The following ANKRD30B variants were observed in gnomAD, a reference collection of about 807,000 sequenced individuals.
The protein encoded by ANKRD30B is ankyrin repeat domain-containing protein 30B.
A neutral mutation model predicts 202.2 loss-of-function variants in ANKRD30B; 144 were observed. The observed-to-expected ratio is 0.71, with a 90% confidence interval of 0.62 to 0.82. The LOEUF (loss-of-function observed/expected upper bound fraction) is 0.82. Among genes scored for constraint, ANKRD30B ranks in the 40% least tolerant of loss-of-function variants. The pLI is 0.00. For synonymous variants in ANKRD30B, 508 were observed against 561.3 expected, an observed-to-expected ratio of 0.91 and a Z score of 1.34; for missense variants, 1,487 against 1,669.1, an observed-to-expected ratio of 0.89 and a Z score of 1.90.
chr18:14,797,629 A>G (rs1449360395), intron 18 of ANKRD30B, 32 bp from the exon 19 acceptor site: 4 of 1,592,122 alleles, frequency 2.5e-6, no homozygotes, highest in Admixed American at 1.7e-5. Flanking sequence ...AGGCTTGCAT[A>G]TAATCAATTA....
the ANKRD30B span, among the ~76,000 whole-genome samples, chr18:14,936,937 G>T: frequency 6.6e-6 from 1 of 152,248 alleles, no homozygotes; most frequent in East Asian, 1.9e-4. Context: ...TCTCCTCTTT[G>T]CACACTTTCT....
intron 14 of ANKRD30B, among the ~76,000 whole-genome samples, chr18:14,785,882 C>CA (rs1968047683): frequency 6.6e-6 from 1 of 151,728 alleles, no homozygotes. Context: ...ACTAAAAATA[C>CA]AAAAAATTAG....
rs867264102 is a variant in ANKRD30B, at chr18:14,760,185, T to G, written c.756-369T>G. ...TTGTAATAACCTAGTGAAATAAGTC[T>G]CTAAAATCCTCATTTTTAGAAGACA... On this transcript the variant is annotated intron_variant, in intron 5 of 43. Coordinates refer to ENST00000690538, the MANE Select transcript of ANKRD30B (RefSeq NM_001367607.2). Among the ~76,000 whole-genome samples the G allele has an allele frequency of 7.2e-5, 11 of 152,350 alleles. No homozygotes were observed. The South Asian group carries it at 1.0e-3, about 14-fold the overall frequency.
intron 26 of ANKRD30B, 136 bp from the exon 27 acceptor site, chr18:14,809,850 A>C (rs1489728841): frequency 6.8e-6 from 6 of 879,354 alleles, no homozygotes; most frequent in Non-Finnish European, 9.1e-6. Context: ...ACAATAACCC[A>C]AAAGACCCCA....
At chr18:14,924,337 T>TAAC in the ANKRD30B span, among the ~76,000 whole-genome samples, 1 of 152,226 alleles carries the variant, frequency 6.6e-6, no homozygotes, top group African/African-American at 2.4e-5. Flanking sequence ...CAATGATAAC[T>TAAC]AATACTATCT....
At chr18:14,871,776 G>A in the ANKRD30B span, among the ~76,000 whole-genome samples, 8 of 152,172 alleles carry the variant, frequency 5.3e-5, no homozygotes, top group East Asian at 1.6e-3. Flanking sequence ...TATATTCCCA[G>A]CTACTCGGGA....
At chr18:14,760,645 T>C (rs538141176) in intron 6 of ANKRD30B, 27 bp downstream of exon 6, 43 of 1,458,708 alleles carry the variant, frequency 2.9e-5, no homozygotes, top group Non-Finnish European at 1.9e-6. Flanking sequence ...CAAACTACTC[T>C]TGATGGTGCT....
At chr18:14,874,421 AC>A in the ANKRD30B span, among the ~76,000 whole-genome samples, 3 of 151,970 alleles carry the variant, frequency 2.0e-5, no homozygotes, top group East Asian at 3.9e-4. Context: ...TTATTTGAAA[AC>A]CCTTTCAAAG....
chr18:14,937,172 G>T, the ANKRD30B span, among the ~76,000 whole-genome samples: 72 of 152,308 alleles, frequency 4.7e-4, no homozygotes, highest in East Asian at 0.012. Flanking sequence ...ATACATCATT[G>T]TGCTTGCCTC....
At chr18:14,789,582 G>A (rs1001585110) in intron 15 of ANKRD30B, among the ~76,000 whole-genome samples, 2 of 152,176 alleles carry the variant, frequency 1.3e-5, no homozygotes, top group Non-Finnish European at 2.9e-5. Flanking sequence ...GTGTAAGGAA[G>A]GGATCCAGTT....
chr18:14,901,247 G>T, the ANKRD30B span, among the ~76,000 whole-genome samples: 1 of 152,156 alleles, frequency 6.6e-6, no homozygotes, highest in Non-Finnish European at 1.5e-5. Context: ...TCAAAAAGTG[G>T]TTTATAGTTG....
the ANKRD30B span, among the ~76,000 whole-genome samples, chr18:14,885,553 C>T: frequency 6.6e-6 from 1 of 151,954 alleles, no homozygotes; most frequent in Non-Finnish European, 1.5e-5. Flanking sequence ...AGAGAAATTT[C>T]AGTAGAAAAT....
chr18:14,820,791 C>G (rs1163952809), intron 30 of ANKRD30B, among the ~76,000 whole-genome samples: 1 of 152,110 alleles, frequency 6.6e-6, no homozygotes, highest in East Asian at 1.9e-4. Context: ...ATTTTTGCAT[C>G]AATGTTCATC....
At chr18:14,851,078 C>A (rs1365196667) in intron 41 of ANKRD30B, among the ~76,000 whole-genome samples, 1 of 151,818 alleles carries the variant, frequency 6.6e-6, no homozygotes, top group Non-Finnish European at 1.5e-5. Flanking sequence ...ACTGAAAGAG[C>A]TTCCAGAAAT....
intron 9 of ANKRD30B, 96 bp downstream of exon 9, chr18:14,772,324 G>T: frequency 1.4e-6 from 1 of 695,036 alleles, no homozygotes; most frequent in Non-Finnish European, 2.1e-6. Flanking sequence ...TTTCATGTTG[G>T]TAATATAAAG....
At chr18:14,818,464 A>C in intron 30 of ANKRD30B, among the ~76,000 whole-genome samples, 1 of 149,904 alleles carries the variant, frequency 6.7e-6, no homozygotes. Context: ...GCACCCACCA[A>C]CTCGTCATCT....
At chr18:14,939,648 G>A in the ANKRD30B span, among the ~76,000 whole-genome samples, 1 of 152,248 alleles carries the variant, frequency 6.6e-6, no homozygotes, top group Non-Finnish European at 1.5e-5. Context: ...ACAGAGGCAG[G>A]AAGTCCCACT....
chr18:14,760,193 C>A (rs551609170), intron 5 of ANKRD30B, among the ~76,000 whole-genome samples: 3 of 152,128 alleles, frequency 2.0e-5, no homozygotes, highest in Non-Finnish European at 2.9e-5. Flanking sequence ...TCTCTAAAAT[C>A]CTCATTTTTA....
intron 32 of ANKRD30B, among the ~76,000 whole-genome samples, chr18:14,823,766 G>C (rs1464603062): frequency 6.6e-6 from 1 of 152,130 alleles, no homozygotes; most frequent in Non-Finnish European, 1.5e-5. Context: ...TGAAGGTTAG[G>C]AGTTCCAGAC....
Sources: gnomAD v4.1 joint callset for allele counts (sites outside exome capture counted in the v4.1 genomes callset) on GRCh38, gnomAD v4.1.1 for gene constraint, MANE v1.5 for transcripts, NCBI Gene and HGNC (gene_info 2026-07-23, HGNC 2026-07-21) for gene names.